HCN2: variants seen among roughly 807,000 people sequenced by gnomAD.
HCN2 encodes the protein potassium/sodium hyperpolarization-activated cyclic nucleotide-gated channel 2.
In HCN2, 20 loss-of-function variants were observed where a neutral mutation model predicts 52.3. That is an observed-to-expected ratio of 0.38 (90% CI 0.27 to 0.56). HCN2 has a LOEUF of 0.56. HCN2 is among the 20% of genes least tolerant of loss of function. The pLI, the probability that HCN2 is intolerant of heterozygous loss-of-function variation, is 0.71. For missense variants in HCN2, 981 were observed against 1,207.7 expected (o/e 0.81, Z 2.78); for synonymous variants, 694 against 537.0 (o/e 1.29, Z -4.04).
intron 5 of HCN2, among the ~76,000 whole-genome samples, chr19:612,131 C>T (rs60691065): frequency 0.13 from 19,286 of 151,160 alleles, 1,444 homozygotes; most frequent in East Asian, 0.31. Context: ...GACAACAGAG[C>T]GAGACTCCGT....
chr19:602,684 CCTGT>C (rs1332058352), intron 1 of HCN2, among the ~76,000 whole-genome samples: 10 of 152,226 alleles, frequency 6.6e-5, no homozygotes, highest in Non-Finnish European at 1.2e-4. Flanking sequence ...GCTGTCCTGT[CCTGT>C]CTATTTTTTT....
At position 592,787 on chromosome 19, in the gene HCN2, C is replaced by T. The variant is rs755030612; in HGVS notation, c.632+2210C>T. On this transcript the variant is annotated intron_variant, in intron 1 of 7. Transcript: ENST00000251287. This position sits in a 1 kb window ranked among gnomAD's most constrained non-coding sequence, Gnocchi z 4.8. ...CTCAAAAGCTCCCTAAGCAGGCGGCCGGACCCTGCTGTGGAGGGTGTTTTG... is the reference window on the plus strand; with the variant it reads ...CTCAAAAGCTCCCTAAGCAGGCGGCTGGACCCTGCTGTGGAGGGTGTTTTG... Among the ~76,000 whole-genome samples the T allele has an allele frequency of 2.6e-5, 4 of 152,124 alleles. No individual in the cohort carries two copies. The highest frequency in any genetic ancestry group is 6.5e-5 in the Admixed American group (1 of 15,280).
chr19:599,069 C>T (rs1391883968), intron 1 of HCN2, among the ~76,000 whole-genome samples: 1 of 152,250 alleles, frequency 6.6e-6, no homozygotes, highest in Non-Finnish European at 1.5e-5. Context: ...TGCCAGCAGG[C>T]GGGTGCCAGC....
chr19:600,282 C>CCTG (rs1362317498), intron 1 of HCN2, among the ~76,000 whole-genome samples: 1 of 152,226 alleles, frequency 6.6e-6, no homozygotes, highest in South Asian at 2.1e-4. Flanking sequence ...AAACAATTCA[C>CCTG]CTGCTTCAGC....
intron 1 of HCN2, among the ~76,000 whole-genome samples, chr19:598,732 G>C (rs1380072822): frequency 6.6e-6 from 1 of 152,228 alleles, no homozygotes; most frequent in Non-Finnish European, 1.5e-5. Context: ...CTCCCGAGTA[G>C]CTGGGCCTAC....
Position 616,508 on chromosome 19 carries a change from C to A in HCN2, c.*34C>A. On this transcript the variant is annotated 3_prime_UTR_variant, in exon 8 of 8. Coordinates refer to ENST00000251287, the MANE Select transcript of HCN2 (RefSeq NM_001194.4). ...GACCGCCCCGCGGGCCCAGGCGGGC[C>A]GGGGGCGGGGCCGTCATCCAGACCA... 8.5e-7 allele frequency: 1 copy of A among 1,182,434 alleles called. No homozygotes were observed. Among genetic ancestry groups the A allele is most frequent in the Non-Finnish European group, 1.1e-6 (1 of 948,398 alleles). The allele number at this position is 1,182,434 out of a possible 1,614,324, so 73.2% of individuals were successfully genotyped here.
Position 615,847 on chromosome 19 carries a change from C to T in HCN2, c.2043C>T (p.Gly681=), listed in dbSNP as rs1440275931. The part of the protein sequence containing the change: ...LHKVQHDLNS[G]VFNNQENAII... Reference sequence around the variant, plus strand: ...AGGTGCAGCATGACCTCAACTCGGGCGTATTCAACAACCAGGAGAACGCCA... The same window carrying T: ...AGGTGCAGCATGACCTCAACTCGGGTGTATTCAACAACCAGGAGAACGCCA... Residue 681 remains glycine, a synonymous_variant, in exon 8 of 8, where the codon GGC becomes GGT. Coordinates refer to ENST00000251287, the MANE Select transcript of HCN2 (RefSeq NM_001194.4). 40 of 1,612,778 alleles carry T rather than the reference C, an allele frequency of 2.5e-5. 1 individual carries two copies. Among genetic ancestry groups the T allele is most frequent in the Middle Eastern group, 1.7e-4 (1 of 5,788 alleles).
chr19:613,213 T>A, intron 5 of HCN2, 35 bp from the exon 6 acceptor site: 1 of 1,569,850 alleles, frequency 6.4e-7, no homozygotes, highest in South Asian at 1.2e-5. Flanking sequence ...GGGAGTGGGG[T>A]CCGCAGCGGA....
Position 616,348 on chromosome 19 carries a change from G to T in HCN2, c.2544G>T (p.Leu848Phe). Residue 848 changes from leucine to phenylalanine, a missense_variant, in exon 8 of 8, where the codon TTG becomes TTT. This residue lies in a region of HCN2 where 368 missense variants were observed against 314.8 expected (regional missense o/e 1.17). Coordinates refer to ENST00000251287, the MANE Select transcript of HCN2 (RefSeq NM_001194.4). ...CGGCCAGCAGCTCCACACCGCGCTT[G>T]GGGCCCACGCCCGCTGCCCGGGCCG... ...TRPASSSTPRLGPTPAARAAA... is the reference protein window; with the variant it reads ...TRPASSSTPRFGPTPAARAAA... 8.2e-7 allele frequency: 1 copy of T among 1,212,914 alleles called. No individual in the cohort carries two copies. The highest frequency in any genetic ancestry group is 1.0e-6 in the Non-Finnish European group (1 of 962,892). 75.1% of individuals were successfully genotyped at this position (1,212,914 alleles called of 1,614,324 possible).
chr19:616,977 T>C lies in HCN2; in HGVS notation c.*503T>C. On this transcript the variant is annotated 3_prime_UTR_variant, in exon 8 of 8. Transcript: ENST00000251287. ...TGACCTCGGGGAGCAGCACCCCGCC[T>C]CCCTCCAGCACTGGCACCGAGAGGC... The C allele has an allele frequency of 2.2e-6, 1 of 463,310 alleles. No individual in the cohort carries two copies. The highest frequency in any genetic ancestry group is 4.0e-6 in the Non-Finnish European group (1 of 252,492). 28.7% of individuals were successfully genotyped at this position (463,310 alleles called of 1,614,324 possible).
At position 616,383 on chromosome 19, in the gene HCN2, G is replaced by T. The variant is rs759760819; in HGVS notation, c.2579G>T (p.Ser860Ile). Residue 860 changes from serine to isoleucine, a missense_variant, in exon 8 of 8, where the codon AGC becomes ATC. By Grantham distance (142) the Ser-to-Ile change is moderately radical (BLOSUM62 -2). Coordinates refer to ENST00000251287, the MANE Select transcript of HCN2 (RefSeq NM_001194.4). ...PTPAARAAAP[S>I]PDRRDSASPG... ...CCCGCTGCCCGGGCCGCCGCGCCCA[G>T]CCCGGACCGCAGGGACTCGGCCTCA... 1.6e-6 allele frequency: 2 copies of T among 1,236,794 alleles called. No individual in the cohort carries two copies. The highest frequency in any genetic ancestry group is 4.2e-5 in the South Asian group (2 of 47,354). The allele number at this position is 1,236,794 out of a possible 1,614,324, so 76.6% of individuals were successfully genotyped here.
chr19:616,323 C>A lies in HCN2; in HGVS notation c.2519C>A (p.Pro840Gln), dbSNP rs574907436. The A allele has an allele frequency of 3.9e-4, 456 of 1,170,730 alleles. 11 individuals are homozygous for A. The South Asian group carries it at 9.2e-3, about 24-fold the overall frequency. The allele number at this position is 1,170,730 out of a possible 1,614,324, so 72.5% of individuals were successfully genotyped here. A position where few individuals can be genotyped will look rare whatever the true frequency, so the allele number is the denominator to read the frequency against. Residue 840 changes from proline to glutamine, a missense_variant, in exon 8 of 8, where the codon CCG (proline) becomes CAG (glutamine). Physicochemically the swap from Pro to Gln is moderately conservative, Grantham distance 76. Coordinates refer to ENST00000251287, the MANE Select transcript of HCN2 (RefSeq NM_001194.4). Reference protein sequence around the residue: ...GAPGPAASTRPASSSTPRLGP... With the variant: ...GAPGPAASTRQASSSTPRLGP... ...CCCGGCCCCGCGGCCTCCACACGCC[C>A]GGCCAGCAGCTCCACACCGCGCTTG... is the stretch of plus-strand genomic sequence containing the variant.
chr19:614,336 G>A (rs1983806841), intron 7 of HCN2, among the ~76,000 whole-genome samples: 1 of 152,190 alleles, frequency 6.6e-6, no homozygotes, highest in African/African-American at 2.4e-5. Flanking sequence ...CGGTTGTGCC[G>A]AATGCTCGGT....
chr19:598,161 C>G (rs750968487), intron 1 of HCN2, among the ~76,000 whole-genome samples: 4 of 152,218 alleles, frequency 2.6e-5, no homozygotes, highest in Non-Finnish European at 5.9e-5. Flanking sequence ...GGTCTCGTTG[C>G]TGAGCAGATG....
At chr19:593,303 G>GGGC (rs1982927781) in intron 1 of HCN2, among the ~76,000 whole-genome samples, 1 of 152,224 alleles carries the variant, frequency 6.6e-6, no homozygotes, top group Non-Finnish European at 1.5e-5. Flanking sequence ...TCTCAGGCCT[G>GGGC]GGCGGCTGGC....
intron 7 of HCN2, among the ~76,000 whole-genome samples, chr19:615,048 A>G (rs771922188): frequency 1.3e-5 from 2 of 152,138 alleles, no homozygotes; most frequent in African/African-American, 4.8e-5. Context: ...TGCTTAGGTT[A>G]TAACTTCTGT....
chr19:612,675 A>G (rs1983692291), intron 5 of HCN2, among the ~76,000 whole-genome samples: 1 of 151,286 alleles, frequency 6.6e-6, no homozygotes, highest in Non-Finnish European at 1.5e-5. Context: ...TTGGCCTCCC[A>G]GAGTGCTGGG....
At chr19:605,033 A>G in intron 2 of HCN2, 28 bp from the exon 3 acceptor site, 1 of 1,579,402 alleles carries the variant, frequency 6.3e-7, no homozygotes, top group Non-Finnish European at 8.6e-7. Flanking sequence ...GTCAGCGGGT[A>G]GGGTGGGCTC....
At position 590,055 on chromosome 19, in the gene HCN2, C is replaced by T; in HGVS notation, c.110C>T (p.Pro37Leu). The T allele has an allele frequency of 4.5e-6, 3 of 664,234 alleles. No homozygotes were observed. The highest frequency in any genetic ancestry group is 5.5e-6 in the Non-Finnish European group (3 of 545,818). 41.1% of individuals were successfully genotyped at this position (664,234 alleles called of 1,614,324 possible). ...GCGCCCCCCCAACAGCAGCCGCCGC[C>T]GCCGCCGCCGCCCGCGCCCCCCCCG... ...PPAPPQQQPPPPPPPAPPPGP... is the reference protein window; with the variant it reads ...PPAPPQQQPPLPPPPAPPPGP... Residue 37 changes from proline (P) to leucine (L), a missense_variant, in exon 1 of 8, where the codon CCG becomes CTG. Coordinates refer to ENST00000251287, the MANE Select transcript of HCN2 (RefSeq NM_001194.4). The surrounding 1 kb of genome is among the most constrained non-coding windows in gnomAD (Gnocchi z 7.2).
Sources: gnomAD v4.1 joint callset for allele counts (sites outside exome capture counted in the v4.1 genomes callset) on GRCh38, gnomAD v4.1.1 for gene constraint, gnomAD v4.1.1 regional missense constraint, Gnocchi (gnomAD v3.1) non-coding constraint, MANE v1.5 for transcripts, NCBI Gene and HGNC (gene_info 2026-07-23, HGNC 2026-07-21) for gene names.